Variants in NAALAD2 observed in about 807,000 individuals in gnomAD.
The protein encoded by NAALAD2 is N-acetylated alpha-linked acidic dipeptidase 2.
Under a neutral mutation model 95.6 loss-of-function variants are expected in NAALAD2, and 89 were observed. The observed-to-expected ratio is 0.93, with a 90% CI of 0.78 to 1.11. The LOEUF is 1.11. Ranked by LOEUF, NAALAD2 falls within the 50% of genes least tolerant of loss-of-function variation. The pLI, the probability that NAALAD2 is intolerant of heterozygous loss-of-function variation, is 0.00. For synonymous variants in NAALAD2, 264 were observed against 294.4 expected, an observed-to-expected ratio of 0.90 and a Z score of 1.06; for missense variants, 894 against 872.4, an observed-to-expected ratio of 1.02 and a Z score of -0.31.
upstream of NAALAD2, among the ~76,000 whole-genome samples, chr11:90,132,748 A>G (rs866359827): frequency 3.3e-5 from 5 of 152,304 alleles, no homozygotes; most frequent in Middle Eastern, 6.8e-3. Flanking sequence ...GAATAATTCT[A>G]TTCTAATTCC....
At chr11:90,154,081 CTCTT>C (rs1247701645) in intron 6 of NAALAD2, among the ~76,000 whole-genome samples, 2 of 151,030 alleles carry the variant, frequency 1.3e-5, no homozygotes, top group African/African-American at 2.4e-5. Flanking sequence ...CTTTCTTTCT[CTCTT>C]TCTTCTTTTT....
At chr11:90,161,485 G>A (rs559878091) in intron 8 of NAALAD2, among the ~76,000 whole-genome samples, 131 of 152,224 alleles carry the variant, frequency 8.6e-4, no homozygotes, top group Middle Eastern at 6.8e-3. Context: ...ACCATTCTGG[G>A]TTCTGGGGAT....
intron 13 of NAALAD2, among the ~76,000 whole-genome samples, chr11:90,170,850 T>C (rs1489775259): frequency 6.6e-6 from 1 of 152,158 alleles, no homozygotes; most frequent in Non-Finnish European, 1.5e-5. Context: ...TTTCCTGATC[T>C]GAAGGTAGCT....
chr11:90,143,803 A>G (rs898450080), intron 2 of NAALAD2, among the ~76,000 whole-genome samples: 3 of 152,134 alleles, frequency 2.0e-5, no homozygotes, highest in Non-Finnish European at 2.9e-5. Context: ...TGCATTTTCA[A>G]TTTAGTAATA....
At chr11:90,168,839 C>A in intron 11 of NAALAD2, 90 bp from the exon 12 acceptor site, 1 of 1,053,296 alleles carries the variant, frequency 9.5e-7, no homozygotes, top group Non-Finnish European at 1.4e-6. Flanking sequence ...TACTTGTAAA[C>A]CGCTTTTCCA....
At chr11:90,145,579 G>A (rs533886257) in intron 2 of NAALAD2, among the ~76,000 whole-genome samples, 51 of 152,112 alleles carry the variant, frequency 3.4e-4, no homozygotes, top group African/African-American at 1.1e-3. Flanking sequence ...AATAAATATG[G>A]TAAGAAATTA....
At chr11:90,148,842 A>G (rs1241846267) in intron 3 of NAALAD2, among the ~76,000 whole-genome samples, 164 bp from the exon 4 acceptor site, 5 of 152,220 alleles carry the variant, frequency 3.3e-5, no homozygotes, top group Non-Finnish European at 7.3e-5. Flanking sequence ...TAGGAAGACA[A>G]TAATAATGAT....
At chr11:90,170,647 A>G (rs1952605623) in intron 13 of NAALAD2, among the ~76,000 whole-genome samples, 1 of 152,236 alleles carries the variant, frequency 6.6e-6, no homozygotes, top group African/African-American at 2.4e-5. Context: ...GATACTATGT[A>G]TGATGGAGAA....
chr11:90,188,188 A>G (rs1016821739), intron 18 of NAALAD2, among the ~76,000 whole-genome samples: 2 of 152,196 alleles, frequency 1.3e-5, no homozygotes, highest in Non-Finnish European at 2.9e-5. Flanking sequence ...GTTATAGTTC[A>G]CTATGTACAG....
chr11:90,156,824 G>A (rs967184171), intron 6 of NAALAD2, among the ~76,000 whole-genome samples: 1 of 152,016 alleles, frequency 6.6e-6, no homozygotes, highest in East Asian at 1.9e-4. Context: ...TTTTTATTTG[G>A]TTCCAAATAC....
At chr11:90,154,987 CATA>C (rs937152270) in intron 6 of NAALAD2, among the ~76,000 whole-genome samples, 5 of 82,318 alleles carry the variant, frequency 6.1e-5, no homozygotes, top group East Asian at 4.1e-4. Flanking sequence ...TATACGTATA[CATA>C]ATATGTATGT....
At chr11:90,138,231 T>C (rs967106254) in intron 2 of NAALAD2, among the ~76,000 whole-genome samples, 4 of 152,102 alleles carry the variant, frequency 2.6e-5, no homozygotes, top group African/African-American at 9.7e-5. Flanking sequence ...TAAGTGAGTG[T>C]AGATTTTCAT....
rs753443840 is a variant in NAALAD2, at chr11:90,163,641, T to C, written c.1278+24T>C. ...AGGTAAATAAGACAAAGAAGGTTCT[T>C]ATTATTTTTTTGGTCAACAGGGAAC... On this transcript the variant is annotated intron_variant, in intron 11 of 18. Coordinates refer to ENST00000534061, the MANE Select transcript of NAALAD2 (RefSeq NM_005467.4). 5.0e-6 allele frequency: 8 copies of C among 1,609,648 alleles called. No homozygotes were observed. In the East Asian group the frequency reaches 1.8e-4, roughly 36 times the overall value.
In NAALAD2 at chr11:90,163,407, T is replaced by C. The variant is rs372148312; in HGVS notation, c.1173T>C (p.Ser391=). The change falls in exon 10 of 19, where the codon AGT becomes AGC. Residue 391 remains serine, a synonymous_variant. Coordinates refer to ENST00000534061, the MANE Select transcript of NAALAD2 (RefSeq NM_005467.4). The stretch of plus-strand genomic sequence containing the variant: ...CTGTTTTGCAAGAAATTGCCCGGAG[T>C]TTTGGAAAACTGATGAGTAAAGGTA... ...GVAVLQEIAR[S]FGKLMSKGWR... is the part of the protein sequence containing the mutation. The C allele has an allele frequency of 3.4e-5, 55 of 1,613,880 alleles. No homozygotes were observed. Among genetic ancestry groups the C allele is most frequent in the Non-Finnish European group, 4.6e-5 (54 of 1,179,926 alleles).
chr11:90,178,448 G>A (rs1952866250), intron 16 of NAALAD2, among the ~76,000 whole-genome samples: 3 of 152,154 alleles, frequency 2.0e-5, no homozygotes, highest in Admixed American at 6.5e-5. Context: ...GAGGCGGGCA[G>A]ATGATGAGGT....
rs1857370002 is a variant in NAALAD2 at position 90,192,774 on chromosome 11, A to G, written c.*1027A>G. 6.6e-6 allele frequency: 1 copy of G among 151,980 alleles called. No individual in the cohort carries two copies. The highest frequency in any genetic ancestry group is 1.5e-5 in the Non-Finnish European group (1 of 67,882). The allele number at this position is 151,980 out of a possible 1,614,324, so 9.4% of individuals were successfully genotyped here. ...TGAAAATAGCTACTACAATCTTCAT[A>G]TTCTAACTCCTATAAAGACTGTATA... On this transcript the variant is annotated 3_prime_UTR_variant, in exon 19 of 19. Transcript: ENST00000534061.
At chr11:90,175,090 T>G (rs941127087) in intron 14 of NAALAD2, among the ~76,000 whole-genome samples, 4 of 152,294 alleles carry the variant, frequency 2.6e-5, no homozygotes, top group South Asian at 4.1e-4. Flanking sequence ...GAAAAAAATC[T>G]GAAGTCCAAA....
At position 90,163,327 on chromosome 11, in the gene NAALAD2, G is replaced by T. The variant is rs1291649741; in HGVS notation, c.1093G>T (p.Gly365Ter). 2 of 1,613,500 alleles carry T rather than the reference G, an allele frequency of 1.2e-6. No individual in the cohort carries two copies. The highest frequency in any genetic ancestry group is 1.7e-5 in the Admixed American group (1 of 59,954). ...TTTTCCAGACAGGTATGTTATTCTGGGAGGTCACCGGGACTCCTGGGTATT... is the reference window on the plus strand; with the variant it reads ...TTTTCCAGACAGGTATGTTATTCTGTGAGGTCACCGGGACTCCTGGGTATT... ...SVEPDRYVIL[G>*]GHRDSWVFGA... The change falls in exon 10 of 19, where the codon GGA becomes TGA. Residue 365 changes from glycine to a stop codon, truncating the protein, a stop_gained. Transcript: ENST00000534061. LOFTEE classifies it high-confidence loss of function.
chr11:90,135,759 C>A, intron 2 of NAALAD2, 89 bp downstream of exon 2: 4 of 974,330 alleles, frequency 4.1e-6, no homozygotes, highest in Non-Finnish European at 5.9e-6. Context: ...TGCATGAGGA[C>A]AGTCTTCTCT....
Sources: allele counts gnomAD v4.1 joint callset (sites outside exome capture counted in the v4.1 genomes callset), GRCh38; gene constraint gnomAD v4.1.1; transcripts MANE v1.5; gene names NCBI Gene and HGNC (gene_info 2026-07-23, HGNC 2026-07-21).